NALF1: variants seen among roughly 807,000 people sequenced by gnomAD.
NALF1 encodes the protein NALCN channel auxiliary factor 1.
A neutral mutation model predicts 48.4 loss-of-function variants in NALF1; 3 were observed. That is an observed-to-expected ratio of 0.06 (90% confidence interval 0.03 to 0.16). NALF1 has a LOEUF of 0.16. Among genes scored for constraint, NALF1 ranks in the 10% least tolerant of loss-of-function variants. The pLI is 1.00. For missense variants in NALF1, 526 were observed against 571.5 expected (o/e 0.92, Z 0.81); for synonymous variants, 262 against 245.7 (o/e 1.07, Z -0.62).
chr13:107,189,131 T>G (rs947363049), intron 2 of NALF1, among the ~76,000 whole-genome samples: 1 of 152,220 alleles, frequency 6.6e-6, no homozygotes, highest in Non-Finnish European at 1.5e-5. Flanking sequence ...ATAAGCTAAG[T>G]TGAGGAATAA....
intron 1 of NALF1, among the ~76,000 whole-genome samples, chr13:107,647,166 G>T (rs1055902679): frequency 2.0e-5 from 3 of 151,836 alleles, no homozygotes; most frequent in African/African-American, 7.3e-5. Flanking sequence ...AATAATATGA[G>T]CAATCACCAA....
chr13:107,716,632 G>T (rs984325320), intron 1 of NALF1, among the ~76,000 whole-genome samples: 1 of 152,200 alleles, frequency 6.6e-6, no homozygotes, highest in African/African-American at 2.4e-5. Context: ...AAGTGGATAT[G>T]CAGTGTCCAG....
intron 1 of NALF1, among the ~76,000 whole-genome samples, chr13:107,367,779 AC>A (rs1205448080): frequency 1.3e-5 from 2 of 152,224 alleles, no homozygotes; most frequent in African/African-American, 4.8e-5. Flanking sequence ...TTGACCATCT[AC>A]TAGGCAAACA....
At chr13:107,832,247 A>G (rs1879755759) in intron 1 of NALF1, among the ~76,000 whole-genome samples, 2 of 151,670 alleles carry the variant, frequency 1.3e-5, no homozygotes, top group Non-Finnish European at 2.9e-5. Flanking sequence ...TTAATATAAT[A>G]TTTATTATAT....
In NALF1 at chr13:107,354,951, C is replaced by G. The variant is rs556538186; in HGVS notation, c.916-144196G>C. On this transcript the variant is annotated intron_variant, in intron 1 of 2. Transcript: ENST00000375915. The stretch of plus-strand genomic sequence containing the variant: ...CGTGATCACCCACCCTGGCTGAGAT[C>G]CCCAACCCTAGGACGTCACTCAAGG... Among the ~76,000 whole-genome samples the G allele has an allele frequency of 4.9e-4, 74 of 152,286 alleles. 1 individual carries two copies. Among genetic ancestry groups the G allele is most frequent in the African/African-American group, 1.6e-3 (67 of 41,564 alleles).
chr13:107,460,011 G>T (rs563107078), intron 1 of NALF1, among the ~76,000 whole-genome samples: 1 of 152,262 alleles, frequency 6.6e-6, no homozygotes, highest in South Asian at 2.1e-4. Flanking sequence ...CGAAGTGCTG[G>T]GATTATAGGC....
intron 1 of NALF1, among the ~76,000 whole-genome samples, chr13:107,454,635 T>C (rs1193705631): frequency 6.6e-6 from 1 of 152,174 alleles, no homozygotes; most frequent in Non-Finnish European, 1.5e-5. Flanking sequence ...TGTATATGTT[T>C]TGGCCTGCAG....
At chr13:107,740,731 C>T (rs1465610282) in intron 1 of NALF1, among the ~76,000 whole-genome samples, 1 of 152,160 alleles carries the variant, frequency 6.6e-6, no homozygotes, top group South Asian at 2.1e-4. Flanking sequence ...CATCATTTTC[C>T]ATGCTTCACT....
chr13:107,267,247 T>C (rs1350442226), intron 1 of NALF1, among the ~76,000 whole-genome samples: 3 of 152,144 alleles, frequency 2.0e-5, no homozygotes, highest in African/African-American at 4.8e-5. Flanking sequence ...CAGTAGTTAA[T>C]GTAAAGCTTA....
At chr13:107,793,862 T>C (rs1878324288) in intron 1 of NALF1, among the ~76,000 whole-genome samples, 1 of 152,126 alleles carries the variant, frequency 6.6e-6, no homozygotes, top group Non-Finnish European at 1.5e-5. Context: ...TTTTTTATTT[T>C]AGTCTTTGAA....
At chr13:107,484,761 A>C (rs1482337114) in intron 1 of NALF1, among the ~76,000 whole-genome samples, 1 of 152,194 alleles carries the variant, frequency 6.6e-6, no homozygotes, top group Non-Finnish European at 1.5e-5. Context: ...TAAGGGTACC[A>C]TGAAGTTCCT....
chr13:107,369,973 T>A lies in NALF1; in HGVS notation c.916-159218A>T, dbSNP rs144545345. ...AGCTATAATGAATTTTTATTTCTTA[T>A]GAATTCAAATTAACACAGATCACCC... On this transcript the variant is annotated intron_variant, in intron 1 of 2. Coordinates refer to ENST00000375915, the MANE Select transcript of NALF1 (RefSeq NM_001080396.3). Among the ~76,000 whole-genome samples, 206 of 152,304 alleles carry A rather than the reference T, an allele frequency of 1.4e-3. 1 individual carries two copies. Among genetic ancestry groups the A allele is most frequent in the African/African-American group, 4.8e-3 (201 of 41,564 alleles).
At chr13:107,725,370 G>A (rs1194229441) in intron 1 of NALF1, among the ~76,000 whole-genome samples, 1 of 152,140 alleles carries the variant, frequency 6.6e-6, no homozygotes, top group Non-Finnish European at 1.5e-5. Context: ...GGAAAAAAAT[G>A]TAATTTTTAT....
chr13:107,646,861 C>T (rs976161122), intron 1 of NALF1, among the ~76,000 whole-genome samples: 1 of 151,942 alleles, frequency 6.6e-6, no homozygotes, highest in Non-Finnish European at 1.5e-5. Flanking sequence ...GAAAGAAATT[C>T]ATATGGTGAT....
At chr13:107,602,198 T>C (rs1173339325) in intron 1 of NALF1, among the ~76,000 whole-genome samples, 1 of 152,146 alleles carries the variant, frequency 6.6e-6, no homozygotes, top group African/African-American at 2.4e-5. Context: ...GCCAAGAAGA[T>C]CTACAGATTA....
intron 1 of NALF1, among the ~76,000 whole-genome samples, chr13:107,282,375 C>T (rs1189329552): frequency 6.6e-6 from 1 of 152,152 alleles, no homozygotes; most frequent in Admixed American, 6.5e-5. Flanking sequence ...GAATTAGGGT[C>T]ATAACAAAGA....
intron 1 of NALF1, among the ~76,000 whole-genome samples, chr13:107,485,375 T>G (rs920785705): frequency 6.6e-6 from 1 of 152,186 alleles, no homozygotes; most frequent in Non-Finnish European, 1.5e-5. Context: ...TTTCCCAGCA[T>G]TCTAAAGTTT....
Position 107,282,350 on chromosome 13 carries a change from A to G in NALF1, c.916-71595T>C, listed in dbSNP as rs138021986. On this transcript the variant is annotated intron_variant, in intron 1 of 2. Coordinates refer to ENST00000375915, the MANE Select transcript of NALF1 (RefSeq NM_001080396.3). ...TCCTATAAATGAAACATCAAATTTTATTTAAGTAATACCTGAATTAGGGTC... is the reference window on the plus strand; with the variant it reads ...TCCTATAAATGAAACATCAAATTTTGTTTAAGTAATACCTGAATTAGGGTC... Among the ~76,000 whole-genome samples the G allele has an allele frequency of 2.4e-4, 37 of 152,338 alleles. No individual in the cohort carries two copies. In the East Asian group the frequency reaches 6.4e-3, roughly 26 times the overall value.
At position 107,334,361 on chromosome 13, in the gene NALF1, A is replaced by G. The variant is rs528465472; in HGVS notation, c.916-123606T>C. On this transcript the variant is annotated intron_variant, in intron 1 of 2. Transcript: ENST00000375915. ...GCCCGAAGGACCAAGGCTGAGGCCCAGCTTAGCTCTTCAGCTCAACCCTCC... is the reference window on the plus strand; with the variant it reads ...GCCCGAAGGACCAAGGCTGAGGCCCGGCTTAGCTCTTCAGCTCAACCCTCC... Among the ~76,000 whole-genome samples the G allele has an allele frequency of 1.6e-4, 25 of 152,328 alleles. No individual in the cohort carries two copies. The South Asian group carries it at 2.3e-3, about 14-fold the overall frequency.
Sources: gnomAD v4.1 joint callset for allele counts (sites outside exome capture counted in the v4.1 genomes callset) on GRCh38, gnomAD v4.1.1 for gene constraint, MANE v1.5 for transcripts, NCBI Gene and HGNC (gene_info 2026-07-23, HGNC 2026-07-21) for gene names.